SYTL1: variants seen among roughly 807,000 people sequenced by gnomAD.
SYTL1 encodes synaptotagmin like 1.
A neutral mutation model predicts 74.6 loss-of-function variants in SYTL1; 53 were observed. That is an observed-to-expected ratio of 0.71 (90% CI 0.57 to 0.89). The LOEUF is 0.89. Ranked by LOEUF, SYTL1 falls within the 40% of genes least tolerant of loss-of-function variation. The pLI is 0.00. For missense variants in SYTL1, 728 were observed against 768.7 expected, an observed-to-expected ratio of 0.95 and a Z score of 0.63; for synonymous variants, 329 against 324.9, an observed-to-expected ratio of 1.01 and a Z score of -0.14.
rs3813795 is a variant in SYTL1, at chr1:27,353,306, A to C, written c.1367A>C (p.Gln456Pro). The C allele has an allele frequency of 1.3e-6, 2 of 1,598,412 alleles. No individual in the cohort carries two copies. The highest frequency in any genetic ancestry group is 2.3e-5 in the South Asian group (2 of 88,524). Residue 456 changes from glutamine (Q) to proline (P), a missense_variant, in exon 14 of 15, where the codon CAG becomes CCG. Transcript: ENST00000616558. The part of the protein sequence containing the change: ...VQCFVLPDDS[Q>P]ASRQRTRVVR... Reference sequence around the variant, plus strand: ...AGCTTCGTGCTGCCTGATGACAGCCAGGCCAGCCGCCAGCGTACAAGGGTT... The same window carrying C: ...AGCTTCGTGCTGCCTGATGACAGCCCGGCCAGCCGCCAGCGTACAAGGGTT...
In SYTL1 at chr1:27,343,618, GTATC is replaced by G. The variant is rs1466759791; in HGVS notation, c.-39+1470_-39+1473del. ...TGTGTGTGTACGTGTGTGTGTGTGT[GTATC>G]TGTCTGTCTAGGTGGGTGGTTGTAT... On this transcript the variant is annotated intron_variant, in intron 1 of 14. Coordinates refer to ENST00000616558, the MANE Select transcript of SYTL1 (RefSeq NM_001193308.2). This position sits in a 1 kb window ranked among gnomAD's most constrained non-coding sequence, Gnocchi z 5.2. Among the ~76,000 whole-genome samples, 3 of 152,048 alleles carry G rather than the reference GTATC, an allele frequency of 2.0e-5. No individual in the cohort carries two copies. Among genetic ancestry groups the G allele is most frequent in the Non-Finnish European group, 2.9e-5 (2 of 67,978 alleles).
rs865855234 is a variant in SYTL1 at position 27,348,406 on chromosome 1, T to C, written c.459+394T>C. 2.0e-5 allele frequency among the ~76,000 whole-genome samples: 3 copies of C among 150,666 alleles called. No homozygotes were observed. Among genetic ancestry groups the C allele is most frequent in the African/African-American group, 4.9e-5 (2 of 40,780 alleles). On this transcript the variant is annotated intron_variant, in intron 5 of 14. Transcript: ENST00000616558. The surrounding 1 kb of genome is among the most constrained non-coding windows in gnomAD (Gnocchi z 4.1). Reference sequence around the variant, plus strand: ...GGGCAACATAGCAAAATGCCCCCCATGTCTATAAAAAATAAATAAAAAAAA... The same window carrying C: ...GGGCAACATAGCAAAATGCCCCCCACGTCTATAAAAAATAAATAAAAAAAA...
chr1:27,345,511 G>C lies in SYTL1; in HGVS notation c.177G>C (p.Glu59Asp). 6.4e-7 allele frequency: 1 copy of C among 1,553,538 alleles called. No individual in the cohort carries two copies. The highest frequency in any genetic ancestry group is 2.4e-5 in the East Asian group (1 of 41,792). Residue 59 changes from glutamate to aspartate, a missense_variant, in exon 2 of 15, where the codon GAG (glutamate) becomes GAC (aspartate). Physicochemically the swap from Glu to Asp is conservative, Grantham distance 45. Coordinates refer to ENST00000616558, the MANE Select transcript of SYTL1 (RefSeq NM_001193308.2). This position sits in a 1 kb window ranked among gnomAD's most constrained non-coding sequence, Gnocchi z 6.0. Reference sequence around the variant, plus strand: ...GAGATGCCCGCCTGCGCCAGCTGGAGGAGGGGCGGGTCAGGTAAGGCAGGG... The same window carrying C: ...GAGATGCCCGCCTGCGCCAGCTGGACGAGGGGCGGGTCAGGTAAGGCAGGG... The part of the protein sequence containing the change: ...LQRDARLRQL[E>D]EGRVSKLRAS...
At position 27,347,726 on chromosome 1, in the gene SYTL1, T is replaced by TTGGGGGGGGGG; in HGVS notation, c.341-82_341-81insTGGGGGGGGGG. 1.2e-6 allele frequency: 1 copy of TTGGGGGGGGGG among 823,936 alleles called. No homozygotes were observed. Among genetic ancestry groups the TTGGGGGGGGGG allele is most frequent in the African/African-American group, 1.8e-5 (1 of 56,080 alleles). 51.0% of individuals were successfully genotyped at this position (823,936 alleles called of 1,614,324 possible). A position where few individuals can be genotyped will look rare whatever the true frequency, so the allele number is the denominator to read the frequency against. On this transcript the variant is annotated intron_variant, in intron 3 of 14. Transcript: ENST00000616558. This position sits in a 1 kb window ranked among gnomAD's most constrained non-coding sequence, Gnocchi z 4.9. Reference sequence around the variant, plus strand: ...TGCCCCTCCGTGGGCATGGGGTGGGTGGGTATCTCCCAGGGCCTCTCCCGA... The same window carrying TTGGGGGGGGGG: ...TGCCCCTCCGTGGGCATGGGGTGGGTTGGGGGGGGGGGGGTATCTCCCAGGGCCTCTCCCGA...
rs1208092900 is a variant in SYTL1 at position 27,343,032 on chromosome 1, C to T, written c.-39+882C>T. Among the ~76,000 whole-genome samples the T allele has an allele frequency of 2.0e-5, 3 of 152,372 alleles. No homozygotes were observed. Among genetic ancestry groups the T allele is most frequent in the South Asian group, 4.1e-4 (2 of 4,830 alleles). ...GTCAAGAGGGATCGCTGGGGCTCGGCCACTGACTCAGCTGGGAGGGGACAG... is the reference window on the plus strand; with the variant it reads ...GTCAAGAGGGATCGCTGGGGCTCGGTCACTGACTCAGCTGGGAGGGGACAG... On this transcript the variant is annotated intron_variant, in intron 1 of 14. Coordinates refer to ENST00000616558, the MANE Select transcript of SYTL1 (RefSeq NM_001193308.2). This position sits in a 1 kb window ranked among gnomAD's most constrained non-coding sequence, Gnocchi z 5.2.
rs1341473147 is a variant in SYTL1 at position 27,353,813 on chromosome 1, C to T, written c.1650C>T (p.Gly550=). 2.5e-6 allele frequency: 4 copies of T among 1,613,934 alleles called. No homozygotes were observed. In the African/African-American group the frequency reaches 4.0e-5, roughly 16 times the overall value. ...LLEQPCEWVD[G]LLPLRTNLAP... The stretch of plus-strand genomic sequence containing the variant: ...AGCAGCCGTGCGAATGGGTGGATGG[C>T]CTTCTACCCCTCAGAACCAACCTGG... Residue 550 remains glycine (G), a synonymous_variant, in exon 15 of 15, where the codon GGC becomes GGT. Transcript: ENST00000616558.
chr1:27,351,275 C>A lies in SYTL1; in HGVS notation c.1182C>A (p.Asp394Glu), dbSNP rs1171929783. Residue 394 changes from aspartate (D) to glutamate (E), a missense_variant, in exon 12 of 15, where the codon GAC becomes GAA. By Grantham distance (45) the Asp-to-Glu change is conservative (BLOSUM62 2). Coordinates refer to ENST00000616558, the MANE Select transcript of SYTL1 (RefSeq NM_001193308.2). This position sits in a 1 kb window ranked among gnomAD's most constrained non-coding sequence, Gnocchi z 5.0. ...TCTCGCAGGTCCCACCCTCTCCCGACGACCTTCCGAGCCGCGGGTTACTCG... is the reference window on the plus strand; with the variant it reads ...TCTCGCAGGTCCCACCCTCTCCCGAAGACCTTCCGAGCCGCGGGTTACTCG... ...PLQPRVPPSP[D>E]DLPSRGLLAL... is the part of the protein sequence containing the mutation. The A allele has an allele frequency of 1.9e-6, 3 of 1,560,266 alleles. No individual in the cohort carries two copies. Among genetic ancestry groups the A allele is most frequent in the Non-Finnish European group, 8.7e-7 (1 of 1,153,340 alleles).
At chr1:27,353,177 C>A in intron 13 of SYTL1, 106 bp from the exon 14 acceptor site, 2 of 1,178,766 alleles carry the variant, frequency 1.7e-6, no homozygotes, top group Non-Finnish European at 2.4e-6. Context: ...CAGGCAGGAG[C>A]CAGGGGACAT....
chr1:27,344,256 A>G (rs1211235316), intron 1 of SYTL1, among the ~76,000 whole-genome samples: 2 of 151,992 alleles, frequency 1.3e-5, no homozygotes, highest in East Asian at 3.9e-4. Flanking sequence ...GGCATGCACC[A>G]CCATGCCCGG....
At position 27,350,058 on chromosome 1, in the gene SYTL1, G is replaced by A; in HGVS notation, c.834G>A (p.Pro278=). ...GSVHFALHYE[P]GAAELRVHVI... ...TGCACTTCGCGCTGCACTACGAGCCGGGCGCCGCCGAGCTGCGCGTGCACG... is the reference window on the plus strand; with the variant it reads ...TGCACTTCGCGCTGCACTACGAGCCAGGCGCCGCCGAGCTGCGCGTGCACG... The change falls in exon 9 of 15, where the codon CCG becomes CCA. Residue 278 remains proline, a synonymous_variant. Coordinates refer to ENST00000616558, the MANE Select transcript of SYTL1 (RefSeq NM_001193308.2). The surrounding 1 kb of genome is among the most constrained non-coding windows in gnomAD (Gnocchi z 6.3). The A allele has an allele frequency of 2.6e-6, 4 of 1,510,506 alleles. No homozygotes were observed. Among genetic ancestry groups the A allele is most frequent in the Non-Finnish European group, 3.5e-6 (4 of 1,137,738 alleles). The allele number at this position is 1,510,506 out of a possible 1,614,324, so 93.6% of individuals were successfully genotyped here.
rs530697665 is a variant in SYTL1, at chr1:27,343,654, A to G, written c.-39+1504A>G. 6.6e-6 allele frequency among the ~76,000 whole-genome samples: 1 copy of G among 152,006 alleles called. No individual in the cohort carries two copies. The highest frequency in any genetic ancestry group is 2.1e-4 in the South Asian group (1 of 4,812). On this transcript the variant is annotated intron_variant, in intron 1 of 14. Coordinates refer to ENST00000616558, the MANE Select transcript of SYTL1 (RefSeq NM_001193308.2). The surrounding 1 kb of genome is among the most constrained non-coding windows in gnomAD (Gnocchi z 5.2). ...TCTAGGTGGGTGGTTGTATGTGTGCATTCCCATGTGTGTGCAGGCATATTT... is the reference window on the plus strand; with the variant it reads ...TCTAGGTGGGTGGTTGTATGTGTGCGTTCCCATGTGTGTGCAGGCATATTT...
At position 27,348,578 on chromosome 1, in the gene SYTL1, A is replaced by G. The variant is rs2015100882; in HGVS notation, c.460-502A>G. ...CAAAATTAGCTGGGCATGATGGTGC[A>G]TAACCTGGAATCTCAGCTACTGGGA... On this transcript the variant is annotated intron_variant, in intron 5 of 14. Coordinates refer to ENST00000616558, the MANE Select transcript of SYTL1 (RefSeq NM_001193308.2). This position sits in a 1 kb window ranked among gnomAD's most constrained non-coding sequence, Gnocchi z 4.1. Among the ~76,000 whole-genome samples the G allele has an allele frequency of 6.6e-6, 1 of 152,074 alleles. No individual in the cohort carries two copies. Among genetic ancestry groups the G allele is most frequent in the African/African-American group, 2.4e-5 (1 of 41,392 alleles).
chr1:27,352,880 G>T, intron 13 of SYTL1: 1 of 234,142 alleles, frequency 4.3e-6, no homozygotes, highest in Non-Finnish European at 8.7e-6. Flanking sequence ...CAGTCTCCTG[G>T]GCTCCAACGA....
Position 27,350,986 on chromosome 1 carries a change from G to A in SYTL1, c.1164+34G>A. On this transcript the variant is annotated intron_variant, in intron 11 of 14. Coordinates refer to ENST00000616558, the MANE Select transcript of SYTL1 (RefSeq NM_001193308.2). This position sits in a 1 kb window ranked among gnomAD's most constrained non-coding sequence, Gnocchi z 6.3. Reference sequence around the variant, plus strand: ...GCCAGGCCGCGTGGGGAGACCTGCGGCCCGGGTCTCCTGCATTTACCCCAC... The same window carrying A: ...GCCAGGCCGCGTGGGGAGACCTGCGACCCGGGTCTCCTGCATTTACCCCAC... 1.2e-6 allele frequency: 2 copies of A among 1,609,464 alleles called. No individual in the cohort carries two copies. Among genetic ancestry groups the A allele is most frequent in the Non-Finnish European group, 8.5e-7 (1 of 1,178,156 alleles).
rs1353181828 is a variant in SYTL1 at position 27,345,447 on chromosome 1, C to A, written c.113C>A (p.Thr38Lys). ...TEGLLDLSFL[T>K]EEEQEAIAGV... ...GGACTGTTGGACCTCAGCTTCCTGA[C>A]AGAGGAGGAGCAGGAGGCCATTGCT... Residue 38 changes from threonine to lysine, a missense_variant, in exon 2 of 15, where the codon ACA becomes AAA. Physicochemically the swap from Thr to Lys is moderately conservative, Grantham distance 78. Coordinates refer to ENST00000616558, the MANE Select transcript of SYTL1 (RefSeq NM_001193308.2). The surrounding 1 kb of genome is among the most constrained non-coding windows in gnomAD (Gnocchi z 6.0). 9.6e-6 allele frequency: 15 copies of A among 1,562,868 alleles called. No individual in the cohort carries two copies. The highest frequency in any genetic ancestry group is 1.2e-5 in the Non-Finnish European group (14 of 1,152,768).
Position 27,349,164 on chromosome 1 carries a change from C to A in SYTL1, c.532+12C>A, listed in dbSNP as rs777484723. On this transcript the variant is annotated intron_variant, in intron 6 of 14. Coordinates refer to ENST00000616558, the MANE Select transcript of SYTL1 (RefSeq NM_001193308.2). ...CCAGGCCCAGGAAGGTGAGTGGGAG[C>A]GCCTGTTGGGGAGCACGGAGAGGTT... 6.2e-6 allele frequency: 10 copies of A among 1,612,028 alleles called. No individual in the cohort carries two copies. The Admixed American group carries it at 1.5e-4, about 24-fold the overall frequency.
chr1:27,353,651 G>T, intron 14 of SYTL1, 62 bp from the exon 15 acceptor site: 1 of 1,584,036 alleles, frequency 6.3e-7, no homozygotes, highest in Admixed American at 1.7e-5. Flanking sequence ...CCAGGCAGGT[G>T]TTTGGGGGCC....
At position 27,351,050 on chromosome 1, in the gene SYTL1, A is replaced by T; in HGVS notation, c.1164+98A>T. The T allele has an allele frequency of 6.9e-7, 1 of 1,451,940 alleles. No homozygotes were observed. Among genetic ancestry groups the T allele is most frequent in the Non-Finnish European group, 9.4e-7 (1 of 1,066,988 alleles). 89.9% of individuals were successfully genotyped at this position (1,451,940 alleles called of 1,614,324 possible). On this transcript the variant is annotated intron_variant, in intron 11 of 14. Transcript: ENST00000616558. This position sits in a 1 kb window ranked among gnomAD's most constrained non-coding sequence, Gnocchi z 5.0. ...AGCCCCCTCACACCCCGCCTTCGAC[A>T]GAACCTCCCCTCAACCTCTTAACCT...
chr1:27,352,785 G>T (rs1198183697), intron 13 of SYTL1: 1 of 154,622 alleles, frequency 6.5e-6, no homozygotes, highest in Non-Finnish European at 1.4e-5. Flanking sequence ...CACCGCGCCC[G>T]GCTATTATTA....
Sources: allele counts gnomAD v4.1 joint callset (sites outside exome capture counted in the v4.1 genomes callset), GRCh38; gene constraint gnomAD v4.1.1; non-coding constraint Gnocchi (gnomAD v3.1); transcripts MANE v1.5; gene names NCBI Gene and HGNC (gene_info 2026-07-23, HGNC 2026-07-21).